The following RIT2 variants were observed in gnomAD, a reference collection of about 807,000 sequenced individuals.
The protein encoded by RIT2 is GTP-binding protein Rit2.
RIT2 carries 24 observed loss-of-function variants against 23.7 expected under a neutral mutation model. The ratio of observed to expected loss-of-function variants is 1.01; its 90% CI spans 0.73 to 1.43. The LOEUF is 1.43. Among genes scored for constraint, RIT2 ranks in the 40% most tolerant of loss-of-function variants. RIT2 has a pLI of 0.00. For missense variants in RIT2, 236 were observed against 266.9 expected (o/e 0.88, Z 0.81); for synonymous variants, 107 against 91.1 (o/e 1.17, Z -0.99).
chr18:42,948,834 C>T (rs1909785169), intron 3 of RIT2, among the ~76,000 whole-genome samples: 1 of 152,062 alleles, frequency 6.6e-6, no homozygotes, highest in South Asian at 2.1e-4. Flanking sequence ...CCTCAAACCA[C>T]CCACTTTCCT....
chr18:42,847,523 G>T (rs982717831), intron 4 of RIT2, among the ~76,000 whole-genome samples: 1 of 152,000 alleles, frequency 6.6e-6, no homozygotes, highest in Admixed American at 6.6e-5. Context: ...TAAAAAAATT[G>T]TAGGTAGTGC....
chr18:43,101,172 C>G (rs1203061396), intron 1 of RIT2, among the ~76,000 whole-genome samples: 3 of 151,982 alleles, frequency 2.0e-5, no homozygotes, highest in Non-Finnish European at 4.4e-5. Flanking sequence ...AACCATGCCT[C>G]TTTGTTCATA....
chr18:42,815,837 A>G (rs893441242), intron 4 of RIT2, among the ~76,000 whole-genome samples: 4 of 152,198 alleles, frequency 2.6e-5, no homozygotes, highest in African/African-American at 9.7e-5. Context: ...CAGGGATACA[A>G]TAGTAACTAC....
chr18:42,938,341 C>A (rs1227037495), intron 3 of RIT2, among the ~76,000 whole-genome samples: 1 of 152,134 alleles, frequency 6.6e-6, no homozygotes, highest in Non-Finnish European at 1.5e-5. Context: ...CAAGTTCGAA[C>A]ACATCTATTT....
chr18:42,781,472 C>G (rs1913809815), intron 4 of RIT2, among the ~76,000 whole-genome samples: 1 of 152,092 alleles, frequency 6.6e-6, no homozygotes, highest in Non-Finnish European at 1.5e-5. Context: ...GTTTATTCCA[C>G]CTGGCTAACC....
intron 4 of RIT2, among the ~76,000 whole-genome samples, chr18:42,773,791 A>T (rs1305005478): frequency 6.6e-6 from 1 of 152,204 alleles, no homozygotes; most frequent in Non-Finnish European, 1.5e-5. Flanking sequence ...GGAGATAATA[A>T]TTGATCAGAG....
intron 3 of RIT2, among the ~76,000 whole-genome samples, chr18:42,952,885 T>A (rs972697554): frequency 6.6e-6 from 1 of 151,932 alleles, no homozygotes; most frequent in Non-Finnish European, 1.5e-5. Flanking sequence ...TGGGTAAACA[T>A]TATCCTGCAT....
At chr18:42,867,852 C>T (rs1907515255) in intron 4 of RIT2, among the ~76,000 whole-genome samples, 1 of 152,138 alleles carries the variant, frequency 6.6e-6, no homozygotes, top group Non-Finnish European at 1.5e-5. Flanking sequence ...TTTCAGTATA[C>T]TAGAATGATC....
chr18:42,976,800 G>A (rs1910486965), intron 2 of RIT2, among the ~76,000 whole-genome samples: 1 of 152,078 alleles, frequency 6.6e-6, no homozygotes. Flanking sequence ...CAAGACGGAA[G>A]ACTAGAGGCA....
chr18:42,827,747 T>A (rs969516201), intron 4 of RIT2, among the ~76,000 whole-genome samples: 2 of 152,092 alleles, frequency 1.3e-5, no homozygotes, highest in Non-Finnish European at 2.9e-5. Context: ...GGCTCATGCC[T>A]GCAATCCCAG....
intron 3 of RIT2, among the ~76,000 whole-genome samples, chr18:42,971,671 T>C (rs1392606676): frequency 1.3e-5 from 2 of 152,114 alleles, no homozygotes; most frequent in African/African-American, 4.8e-5. Context: ...CTGTAGCAGA[T>C]CTGTTCCATG....
Position 42,887,370 on chromosome 18 carries a change from G to A in RIT2, c.426+36202C>T, listed in dbSNP as rs183918154. 2.0e-5 allele frequency among the ~76,000 whole-genome samples: 3 copies of A among 152,276 alleles called. No individual in the cohort carries two copies. The East Asian group carries it at 5.8e-4, about 29-fold the overall frequency. On this transcript the variant is annotated intron_variant, in intron 4 of 4. Coordinates refer to ENST00000326695, the MANE Select transcript of RIT2 (RefSeq NM_002930.4). ...TACTGGTACAATGATTTGCATATGT[G>A]ATTTCATGGTAGGTAATCTCTCTTG... is the stretch of plus-strand genomic sequence containing the variant.
rs140874097 is a variant in RIT2 at position 42,766,070 on chromosome 18, A to T, written c.427-22350T>A. Among the ~76,000 whole-genome samples, 10 of 152,294 alleles carry T rather than the reference A, an allele frequency of 6.6e-5. No individual in the cohort carries two copies. The East Asian group carries it at 1.9e-3, about 29-fold the overall frequency. On this transcript the variant is annotated intron_variant, in intron 4 of 4. Coordinates refer to ENST00000326695, the MANE Select transcript of RIT2 (RefSeq NM_002930.4). ...TTGTTCCCAGTTTAGGTATGTCTTT[A>T]TCAGCAGCATTGAAAACGAACTAAT...
intron 2 of RIT2, among the ~76,000 whole-genome samples, chr18:42,991,459 A>G (rs970455851): frequency 6.6e-6 from 1 of 152,176 alleles, no homozygotes; most frequent in African/African-American, 2.4e-5. Context: ...TGTAAGCAAT[A>G]TATACCAAAT....
chr18:43,111,978 T>C (rs1339656902), intron 1 of RIT2, among the ~76,000 whole-genome samples: 2 of 151,298 alleles, frequency 1.3e-5, no homozygotes, highest in Non-Finnish European at 2.9e-5. Context: ...CATATAATTA[T>C]AAAAATATAA....
chr18:43,003,809 C>CACA (rs1472199618), intron 2 of RIT2, among the ~76,000 whole-genome samples: 2 of 120,870 alleles, frequency 1.7e-5, no homozygotes, highest in African/African-American at 5.9e-5. Flanking sequence ...CACACACACA[C>CACA]ATTAATATTG....
At chr18:43,057,659 G>A (rs1213143965) in intron 1 of RIT2, among the ~76,000 whole-genome samples, 3 of 151,450 alleles carry the variant, frequency 2.0e-5, no homozygotes, top group African/African-American at 7.3e-5. Context: ...AGAAGCAGAT[G>A]GCATTTAGTG....
intron 1 of RIT2, among the ~76,000 whole-genome samples, chr18:43,089,599 A>T (rs1008433974): frequency 7.9e-5 from 12 of 152,030 alleles, no homozygotes; most frequent in African/African-American, 2.9e-4. Flanking sequence ...ATAAAAAAAA[A>T]AATAAAGCTG....
intron 4 of RIT2, among the ~76,000 whole-genome samples, chr18:42,775,683 C>A (rs944989743): frequency 2.1e-5 from 3 of 143,104 alleles, no homozygotes; most frequent in Non-Finnish European, 1.5e-5. Flanking sequence ...GGCGACAGAG[C>A]GAGACTCCAT....
Sources: gnomAD v4.1 joint callset for allele counts (sites outside exome capture counted in the v4.1 genomes callset) on GRCh38, gnomAD v4.1.1 for gene constraint, MANE v1.5 for transcripts, NCBI Gene and HGNC (gene_info 2026-07-23, HGNC 2026-07-21) for gene names.